The following RNF213 variants were observed in gnomAD, a reference collection of about 807,000 sequenced individuals.
RNF213 encodes ring finger protein 213.
In RNF213, 341 loss-of-function variants were observed where a neutral mutation model predicts 514.4. That is an observed-to-expected ratio of 0.66 (90% CI 0.61 to 0.73). The LOEUF (loss-of-function observed/expected upper bound fraction) is 0.73, where lower values mean the gene tolerates loss of function less well. Among genes scored for constraint, RNF213 ranks in the 30% least tolerant of loss-of-function variants. The pLI is 0.00. For synonymous variants in RNF213, 2,655 were observed against 2,658.2 expected (o/e 1.00, Z 0.04); for missense variants, 5,767 against 6,615.6 (o/e 0.87, Z 4.45).
At chr17:80,340,404 CG>C (rs2078118186) in intron 26 of RNF213, 48 bp downstream of exon 26, 1 of 1,517,368 alleles carries the variant, frequency 6.6e-7, no homozygotes, top group Non-Finnish European at 8.9e-7. Context: ...AGGGACTGCC[CG>C]GGGCCCTTCC....
Position 80,288,182 on chromosome 17 carries a change from C to T in RNF213, c.629C>T (p.Pro210Leu), listed in dbSNP as rs1447373654. 2 of 1,612,460 alleles carry T rather than the reference C, an allele frequency of 1.2e-6. No individual in the cohort carries two copies. The highest frequency in any genetic ancestry group is 1.7e-6 in the Non-Finnish European group (2 of 1,179,268). ...TEGEDQDASIPSGGRGLSQEG... is the reference protein window; with the variant it reads ...TEGEDQDASILSGGRGLSQEG... ...GGGGAGGACCAGGACGCTTCCATCC[C>T]CTCTGGGGGCAGAGGCCTGTCCCAG... Residue 210 changes from proline to leucine, a missense_variant, in exon 4 of 68, where the codon CCC becomes CTC. This residue lies in a region of RNF213 where 509 missense variants were observed against 496.7 expected (regional missense o/e 1.02). Coordinates refer to ENST00000582970, the MANE Select transcript of RNF213 (RefSeq NM_001256071.3). The surrounding 1 kb of genome is among the most constrained non-coding windows in gnomAD (Gnocchi z 4.9).
intron 39 of RNF213, 96 bp from the exon 40 acceptor site, chr17:80,363,004 CCT>C: frequency 5.2e-6 from 6 of 1,159,936 alleles, no homozygotes; most frequent in Non-Finnish European, 7.5e-6. Flanking sequence ...TTTCTAATTT[CCT>C]CTTTTATGGT....
In RNF213 at chr17:80,268,558, A is replaced by G. The variant is rs900572311; in HGVS notation, c.98-4683A>G. Among the ~76,000 whole-genome samples, 8 of 152,152 alleles carry G rather than the reference A, an allele frequency of 5.3e-5. No individual in the cohort carries two copies. In the East Asian group the frequency reaches 1.4e-3, roughly 26 times the overall value. On this transcript the variant is annotated intron_variant, in intron 2 of 67. Coordinates refer to ENST00000582970, the MANE Select transcript of RNF213 (RefSeq NM_001256071.3). ...ATCAAATGGTGATTTCTCAGCCTCC[A>G]TAGTCGTGTGAGCCAATTCTCCTAA...
At chr17:80,333,625 C>T (rs1464107414) in intron 21 of RNF213, among the ~76,000 whole-genome samples, 8 of 150,814 alleles carry the variant, frequency 5.3e-5, no homozygotes, top group Non-Finnish European at 1.2e-4. Context: ...ACCACGGAGG[C>T]GGAGGTTGCA....
At chr17:80,324,882 G>A (rs563648172) in intron 17 of RNF213, 148 bp from the exon 18 acceptor site, 1 of 740,432 alleles carries the variant, frequency 1.4e-6, no homozygotes, top group East Asian at 2.7e-5. Context: ...AATGTAAAGT[G>A]TTTTACTATT....
chr17:80,381,415 TCCG>T lies in RNF213; in HGVS notation c.13798-128_13798-126del. 5 of 926,106 alleles carry T rather than the reference TCCG, an allele frequency of 5.4e-6. No individual in the cohort carries two copies. The Admixed American group carries it at 8.9e-5, about 16-fold the overall frequency. The allele number at this position is 926,106 out of a possible 1,614,324, so 57.4% of individuals were successfully genotyped here. ...CTAGCCTTCCTTTCACCTGGATCAC[TCCG>T]CCGTTTTCATCTTAGAAACCGCCTT... On this transcript the variant is annotated intron_variant, in intron 56 of 67. Coordinates refer to ENST00000582970, the MANE Select transcript of RNF213 (RefSeq NM_001256071.3).
At position 80,372,118 on chromosome 17, in the gene RNF213, C is replaced by A. The variant is rs1315801567; in HGVS notation, c.12537+133C>A. The A allele has an allele frequency of 7.2e-6, 5 of 694,522 alleles. No individual in the cohort carries two copies. In the East Asian group the frequency reaches 1.1e-4, roughly 15 times the overall value. 43.0% of individuals were successfully genotyped at this position (694,522 alleles called of 1,614,324 possible). ...TCCGTGCAGAAAAGAAGAAAGGTTT[C>A]AAAGACGCGGCTTCTGCCTTCAGCA... On this transcript the variant is annotated intron_variant, in intron 47 of 67. Transcript: ENST00000582970.
At position 80,376,381 on chromosome 17, in the gene RNF213, C is replaced by G. The variant is rs1049917804; in HGVS notation, c.13266C>G (p.Leu4422=). 2 of 1,614,198 alleles carry G rather than the reference C, an allele frequency of 1.2e-6. No homozygotes were observed. Among genetic ancestry groups the G allele is most frequent in the Non-Finnish European group, 8.5e-7 (1 of 1,180,042 alleles). ...ATATCAGCCGTTTTGCAACATCGCTCGTGGACAATTCTGTGCCATTGTTGA... is the reference window on the plus strand; with the variant it reads ...ATATCAGCCGTTTTGCAACATCGCTGGTGGACAATTCTGTGCCATTGTTGA... ...PPDISRFATS[L]VDNSVPLLRA... The change falls in exon 52 of 68, where the codon CTC becomes CTG. Residue 4422 remains leucine (L), a synonymous_variant. Transcript: ENST00000582970.
At position 80,386,712 on chromosome 17, in the gene RNF213, G is replaced by A. The variant is rs1186251964; in HGVS notation, c.14743G>A (p.Val4915Ile). Residue 4915 changes from valine (V) to isoleucine (I), a missense_variant, in exon 63 of 68, where the codon GTC (valine) becomes ATC (isoleucine). Val to Ile is a conservative substitution (Grantham distance 29). Around this residue, in one of 13 missense-constraint regions of RNF213, gnomAD observed 1,245 missense variants for 1,339.0 expected, o/e 0.93. Coordinates refer to ENST00000582970, the MANE Select transcript of RNF213 (RefSeq NM_001256071.3). The stretch of plus-strand genomic sequence containing the variant: ...CAGCTATTCCGTGGATGCCGCCGAG[G>A]TCACTGAACTGCATGTCATCAGTTA... Reference protein sequence around the residue: ...NNSYSVDAAEVTELHVISYEV... With the variant: ...NNSYSVDAAEITELHVISYEV... 8 of 1,614,116 alleles carry A rather than the reference G, an allele frequency of 5.0e-6. 1 individual carries two copies. The African/African-American group carries it at 8.0e-5, about 16-fold the overall frequency.
chr17:80,281,525 ATGCCCCACTCATACCACT>A (rs2044287174), intron 3 of RNF213, among the ~76,000 whole-genome samples: 4 of 78,944 alleles, frequency 5.1e-5, no homozygotes, highest in Non-Finnish European at 7.7e-5. Flanking sequence ...CAACACACAC[ATGCCCCACTCATACCACT>A]CACACACCCC....
In RNF213 at chr17:80,346,134, G is replaced by T. The variant is rs550210894; in HGVS notation, c.7799G>T (p.Arg2600Ile). Residue 2600 changes from arginine (R) to isoleucine (I), a missense_variant, in exon 29 of 68, where the codon AGA becomes ATA. Physicochemically the swap from Arg to Ile is moderately conservative, Grantham distance 97. This residue lies in a region of RNF213 where 1,377 missense variants were observed against 1,635.2 expected (regional missense o/e 0.84). Transcript: ENST00000582970. The surrounding 1 kb of genome is among the most constrained non-coding windows in gnomAD (Gnocchi z 8.1). ...CTCTACATCCAGCAGATTGTCCAGAGACTGGTTGAGTCCATCAGCCTAGAT... is the reference window on the plus strand; with the variant it reads ...CTCTACATCCAGCAGATTGTCCAGATACTGGTTGAGTCCATCAGCCTAGAT... ...EKLYIQQIVQ[R>I]LVESISLDEN... 1 of 1,614,082 alleles carries T rather than the reference G, an allele frequency of 6.2e-7. No individual in the cohort carries two copies. Among genetic ancestry groups the T allele is most frequent in the African/African-American group, 1.3e-5 (1 of 74,926 alleles).
Position 80,372,857 on chromosome 17 carries a change from C to G in RNF213, c.12752-118C>G. 4 of 1,359,488 alleles carry G rather than the reference C, an allele frequency of 2.9e-6. No individual in the cohort carries two copies. In the South Asian group the frequency reaches 5.0e-5, roughly 17 times the overall value. The allele number at this position is 1,359,488 out of a possible 1,614,324, so 84.2% of individuals were successfully genotyped here. A position where few individuals can be genotyped will look rare whatever the true frequency, so the allele number is the denominator to read the frequency against. ...TGGGCTTTTCTACATCCCCTCTCCC[C>G]TGGATGTGTTTCTGTGAATGCCTGT... On this transcript the variant is annotated intron_variant, in intron 48 of 67. Coordinates refer to ENST00000582970, the MANE Select transcript of RNF213 (RefSeq NM_001256071.3).
chr17:80,362,394 T>C (rs2079089233), intron 39 of RNF213, among the ~76,000 whole-genome samples: 1 of 152,198 alleles, frequency 6.6e-6, no homozygotes, highest in African/African-American at 2.4e-5. Flanking sequence ...AAAAAATGGG[T>C]AAACGTTATA....
intron 54 of RNF213, among the ~76,000 whole-genome samples, chr17:80,378,395 T>C (rs1294710319): frequency 6.6e-6 from 1 of 152,200 alleles, no homozygotes; most frequent in South Asian, 2.1e-4. Context: ...CCATACACAG[T>C]ATCTGTACTT....
At position 80,334,198 on chromosome 17, in the gene RNF213, G is replaced by T. The variant is rs1195429371; in HGVS notation, c.4237G>T (p.Ala1413Ser). The T allele has an allele frequency of 5.2e-6, 8 of 1,537,226 alleles. No homozygotes were observed. In the Admixed American group the frequency reaches 1.4e-4, roughly 26 times the overall value. ...AAAGCTGCTCCAGGACATCAGCGAG[G>T]CCCGGTGCAAGGGGCTGCAGGCTCT... is the stretch of plus-strand genomic sequence containing the variant. Reference protein sequence around the residue: ...AKKLLQDISEARCKGLQALSL... With the variant: ...AKKLLQDISESRCKGLQALSL... The change falls in exon 22 of 68, where the codon GCC becomes TCC. Residue 1413 changes from alanine (A) to serine (S), a missense_variant. Physicochemically the swap from Ala to Ser is moderately conservative, Grantham distance 99 (BLOSUM62 1). Around this residue, in one of 13 missense-constraint regions of RNF213, gnomAD observed 516 missense variants for 566.5 expected, o/e 0.91. Coordinates refer to ENST00000582970, the MANE Select transcript of RNF213 (RefSeq NM_001256071.3).
intron 18 of RNF213, 101 bp from the exon 19 acceptor site, chr17:80,327,715 A>C: frequency 1.0e-6 from 1 of 989,574 alleles, no homozygotes; most frequent in Non-Finnish European, 1.5e-6. Context: ...TGTTTGAGGA[A>C]GTGGGGGCAG....
intron 17 of RNF213, chr17:80,319,812 T>C (rs1431829105): frequency 1.6e-6 from 2 of 1,214,312 alleles, no homozygotes; most frequent in African/African-American, 1.6e-5. Context: ...TCGCAGGCAA[T>C]GCCACATGAG....
intron 15 of RNF213, chr17:80,315,796 G>C (rs2045913947): frequency 2.2e-5 from 1 of 44,870 alleles, no homozygotes; most frequent in Non-Finnish European, 5.1e-5. Context: ...GGTGGTGGTG[G>C]TGGTGGAGGT....
In RNF213 at chr17:80,353,206, T is replaced by A; in HGVS notation, c.10423+147T>A. On this transcript the variant is annotated intron_variant, in intron 33 of 67. Coordinates refer to ENST00000582970, the MANE Select transcript of RNF213 (RefSeq NM_001256071.3). This position sits in a 1 kb window ranked among gnomAD's most constrained non-coding sequence, Gnocchi z 5.0. Reference sequence around the variant, plus strand: ...TCGGGGACACATCTGCAGAACTGACTGGTGGCTCATCATAGAGCACCAGGG... The same window carrying A: ...TCGGGGACACATCTGCAGAACTGACAGGTGGCTCATCATAGAGCACCAGGG... 8.9e-7 allele frequency: 1 copy of A among 1,126,904 alleles called. No homozygotes were observed. The highest frequency in any genetic ancestry group is 1.3e-6 in the Non-Finnish European group (1 of 774,730). The allele number at this position is 1,126,904 out of a possible 1,614,324, so 69.8% of individuals were successfully genotyped here.
Sources: allele counts gnomAD v4.1 joint callset (sites outside exome capture counted in the v4.1 genomes callset), GRCh38; gene constraint gnomAD v4.1.1; regional missense constraint gnomAD v4.1.1; non-coding constraint Gnocchi (gnomAD v3.1); transcripts MANE v1.5; gene names NCBI Gene and HGNC (gene_info 2026-07-23, HGNC 2026-07-21).